The following SF3A2 variants were observed in gnomAD, a reference collection of about 807,000 sequenced individuals.
SF3A2 encodes SAP 62.
SF3A2 carries 5 observed loss-of-function variants against 31.1 expected under a neutral mutation model. That is an observed-to-expected ratio of 0.16 (90% CI 0.08 to 0.34). The LOEUF is 0.34. Ranked by LOEUF, SF3A2 falls within the 10% of genes least tolerant of loss-of-function variation. The pLI is 1.00. For missense variants in SF3A2, 577 were observed against 643.9 expected (o/e 0.90, Z 1.13); for synonymous variants, 365 against 263.7 (o/e 1.38, Z -3.72).
chr19:2,243,665 C>A, intron 2 of SF3A2, 121 bp downstream of exon 2: 1 of 1,179,324 alleles, frequency 8.5e-7, no homozygotes, highest in Non-Finnish European at 1.1e-6. Flanking sequence ...GCCCCGTGTC[C>A]AGACGCTCCC....
intron 1 of SF3A2, among the ~76,000 whole-genome samples, chr19:2,242,142 G>GCCA (rs1433163325): frequency 6.6e-6 from 1 of 151,436 alleles, no homozygotes; most frequent in Non-Finnish European, 1.5e-5. Flanking sequence ...CACACCTGCC[G>GCCA]CCACTGTGGC....
At position 2,245,413 on chromosome 19, in the gene SF3A2, G is replaced by C; in HGVS notation, c.246-33G>C. 6.7e-7 allele frequency: 1 copy of C among 1,495,764 alleles called. No individual in the cohort carries two copies. The highest frequency in any genetic ancestry group is 9.1e-7 in the Non-Finnish European group (1 of 1,098,712). 92.7% of individuals were successfully genotyped at this position (1,495,764 alleles called of 1,614,324 possible). A position where few individuals can be genotyped will look rare whatever the true frequency, so the allele number is the denominator to read the frequency against. Reference sequence around the variant, plus strand: ...CATGGCTTTGGTGCCTGTGTGTGGAGGGGTCCCAGCAGCACCTCCATCCTG... The same window carrying C: ...CATGGCTTTGGTGCCTGTGTGTGGACGGGTCCCAGCAGCACCTCCATCCTG... On this transcript the variant is annotated intron_variant, in intron 4 of 8. Transcript: ENST00000221494. The surrounding 1 kb of genome is among the most constrained non-coding windows in gnomAD (Gnocchi z 4.2).
chr19:2,244,084 G>GC (rs1449318065), intron 2 of SF3A2, among the ~76,000 whole-genome samples: 1 of 152,230 alleles, frequency 6.6e-6, no homozygotes, highest in Non-Finnish European at 1.5e-5. Flanking sequence ...AGATGTGTGC[G>GC]CCCGGCTGCC....
chr19:2,237,230 C>T (rs938107525), intron 1 of SF3A2: 7 of 151,080 alleles, frequency 4.6e-5, no homozygotes, highest in Admixed American at 4.0e-4. Context: ...CCAGCCTGGA[C>T]AACACACCGA....
At position 2,242,468 on chromosome 19, in the gene SF3A2, C is replaced by T. The variant is rs186891735; in HGVS notation, c.-37-914C>T. 2.8e-3 allele frequency among the ~76,000 whole-genome samples: 419 copies of T among 152,326 alleles called. 1 individual carries two copies. Among genetic ancestry groups the T allele is most frequent in the African/African-American group, 9.6e-3 (400 of 41,578 alleles). On this transcript the variant is annotated intron_variant, in intron 1 of 8. Transcript: ENST00000221494. ...TGACTCTCAGCCTCCCGCCTCCTCT[C>T]ATGAGGTCACCCAGGATCACCTGCC...
chr19:2,242,123 G>A (rs567279235), intron 1 of SF3A2, among the ~76,000 whole-genome samples: 5 of 143,532 alleles, frequency 3.5e-5, no homozygotes, highest in African/African-American at 5.6e-5. Flanking sequence ...GTCCCTCAGC[G>A]TGCCCCTGCA....
chr19:2,241,615 G>T (rs2024889896), intron 1 of SF3A2, among the ~76,000 whole-genome samples: 1 of 152,222 alleles, frequency 6.6e-6, no homozygotes, highest in Admixed American at 6.5e-5. Context: ...GAGTTGGCGT[G>T]GCCTGCAGCT....
intron 1 of SF3A2, chr19:2,238,036 T>C (rs2024851822): frequency 6.6e-6 from 1 of 152,360 alleles, no homozygotes; most frequent in Non-Finnish European, 1.5e-5. Flanking sequence ...TTTGTTTGTT[T>C]TGAGACAGGG....
intron 1 of SF3A2, among the ~76,000 whole-genome samples, chr19:2,239,756 G>A (rs529278773): frequency 6.6e-6 from 1 of 151,848 alleles, no homozygotes; most frequent in Non-Finnish European, 1.5e-5. Context: ...TTTTCCTCCT[G>A]TTTTTTTAAC....
intron 7 of SF3A2, 107 bp downstream of exon 7, chr19:2,247,129 C>T: frequency 1.6e-6 from 2 of 1,289,766 alleles, no homozygotes; most frequent in Non-Finnish European, 2.0e-6. Context: ...GTCCCCTGGG[C>T]CCCCCCCAAG....
rs563030381 is a variant in SF3A2, at chr19:2,246,814, G to C, written c.405+12G>C. Reference sequence around the variant, plus strand: ...GCCTCCTCTTCCAGGTGAGATCAGGGACTTGGGCGTGGGGGGCGGCCAAAG... The same window carrying C: ...GCCTCCTCTTCCAGGTGAGATCAGGCACTTGGGCGTGGGGGGCGGCCAAAG... On this transcript the variant is annotated intron_variant, in intron 6 of 8. Transcript: ENST00000221494. This position sits in a 1 kb window ranked among gnomAD's most constrained non-coding sequence, Gnocchi z 5.5. 6 of 1,613,902 alleles carry C rather than the reference G, an allele frequency of 3.7e-6. No homozygotes were observed. Among genetic ancestry groups the C allele is most frequent in the Non-Finnish European group, 5.1e-6 (6 of 1,179,984 alleles).
chr19:2,242,416 C>A (rs1347240584), intron 1 of SF3A2, among the ~76,000 whole-genome samples: 1 of 152,208 alleles, frequency 6.6e-6, no homozygotes, highest in East Asian at 1.9e-4. Context: ...CCCTTCCTCC[C>A]CATTCACAGC....
rs1352844314 is a variant in SF3A2, at chr19:2,248,057, T to A, written c.906T>A (p.His302Gln). The A allele has an allele frequency of 1.2e-6, 1 of 852,330 alleles. No homozygotes were observed. The highest frequency in any genetic ancestry group is 2.0e-5 in the African/African-American group (1 of 49,178). 52.8% of individuals were successfully genotyped at this position (852,330 alleles called of 1,614,324 possible). Residue 302 changes from histidine to glutamine, a missense_variant, in exon 9 of 9, where the codon CAT becomes CAA. Coordinates refer to ENST00000221494, the MANE Select transcript of SF3A2 (RefSeq NM_007165.5). ...TGCATCCCCCTGCATCTGGGGTCCA[T>A]CCCCCAGCTCCTGGCGTCCACCCCC... ...PVVHPPASGVHPPAPGVHPPA... is the reference protein window; with the variant it reads ...PVVHPPASGVQPPAPGVHPPA...
chr19:2,239,335 C>T (rs893014665), intron 1 of SF3A2, among the ~76,000 whole-genome samples: 11 of 131,216 alleles, frequency 8.4e-5, no homozygotes, highest in Admixed American at 8.3e-4. Context: ...ACTGCCTGGG[C>T]GACAGAGCGA....
chr19:2,247,756 CG>C lies in SF3A2; in HGVS notation c.616-10del. On this transcript the variant is annotated splice_polypyrimidine_tract_variant and intron_variant, in intron 8 of 8. Coordinates refer to ENST00000221494, the MANE Select transcript of SF3A2 (RefSeq NM_007165.5). ...CACCCGTGCCTGCTGAACCTTTCTC[CG>C]TCTCTCTAGTTCTTCCTCCAGTTCC... 2 of 1,612,078 alleles carry C rather than the reference CG, an allele frequency of 1.2e-6. No individual in the cohort carries two copies. The highest frequency in any genetic ancestry group is 1.7e-6 in the Non-Finnish European group (2 of 1,179,388).
chr19:2,242,366 T>G (rs2024898427), intron 1 of SF3A2, among the ~76,000 whole-genome samples: 1 of 152,190 alleles, frequency 6.6e-6, no homozygotes, highest in Non-Finnish European at 1.5e-5. Flanking sequence ...TTCCTGCCTT[T>G]CCCAGTGTCC....
At chr19:2,238,599 T>C (rs911761085) in intron 1 of SF3A2, among the ~76,000 whole-genome samples, 2 of 152,228 alleles carry the variant, frequency 1.3e-5, no homozygotes, top group Non-Finnish European at 2.9e-5. Flanking sequence ...AAACAAGTAA[T>C]ATGTTCAGCT....
chr19:2,243,379 C>T lies in SF3A2; in HGVS notation c.-37-3C>T, dbSNP rs746873820. 4.7e-6 allele frequency: 7 copies of T among 1,491,518 alleles called. No individual in the cohort carries two copies. Among genetic ancestry groups the T allele is most frequent in the Middle Eastern group, 3.5e-4 (2 of 5,648 alleles). The allele number at this position is 1,491,518 out of a possible 1,614,324, so 92.4% of individuals were successfully genotyped here. ...TTCCTCACTCTCCTCTTGGCCTCCA[C>T]AGGTGTCTCCCAGTCTGCTAAAGCC... is the stretch of plus-strand genomic sequence containing the variant. On this transcript the variant is annotated splice_region_variant and splice_polypyrimidine_tract_variant and intron_variant, in intron 1 of 8. Transcript: ENST00000221494.
At chr19:2,244,433 A>G in intron 2 of SF3A2, 111 bp from the exon 3 acceptor site, 1 of 810,610 alleles carries the variant, frequency 1.2e-6, no homozygotes, top group Non-Finnish European at 2.1e-6. Context: ...GCCTCTACAG[A>G]AGGGGGGTTC....
Sources: gnomAD v4.1 joint callset for allele counts (sites outside exome capture counted in the v4.1 genomes callset) on GRCh38, gnomAD v4.1.1 for gene constraint, Gnocchi (gnomAD v3.1) non-coding constraint, MANE v1.5 for transcripts, NCBI Gene and HGNC (gene_info 2026-07-23, HGNC 2026-07-21) for gene names.